The following ROBO1 variants were observed in gnomAD, a reference collection of about 807,000 sequenced individuals.
ROBO1 encodes the protein roundabout guidance receptor 1, also known as roundabout homolog 1.
Under a neutral mutation model 195.9 loss-of-function variants are expected in ROBO1, and 149 were observed. The ratio of observed to expected loss-of-function variants is 0.76; its 90% confidence interval spans 0.67 to 0.87. The LOEUF is 0.87. Ranked by LOEUF, ROBO1 falls within the 40% of genes least tolerant of loss-of-function variation. ROBO1 has a pLI of 0.00. For synonymous variants in ROBO1, 816 were observed against 733.2 expected (o/e 1.11, Z -1.82); for missense variants, 1,933 against 2,068.3 (o/e 0.93, Z 1.27).
intron 2 of ROBO1, among the ~76,000 whole-genome samples, chr3:79,268,266 T>C (rs1262575544): frequency 2.0e-5 from 3 of 151,724 alleles, no homozygotes; most frequent in East Asian, 1.9e-4. Context: ...CACATCAAAA[T>C]TGTAGATTTT....
At chr3:78,904,186 T>A (rs1184804325) in intron 4 of ROBO1, among the ~76,000 whole-genome samples, 1 of 151,924 alleles carries the variant, frequency 6.6e-6, no homozygotes, top group Non-Finnish European at 1.5e-5. Context: ...CAACAATTCA[T>A]TCTCAATCAT....
chr3:79,702,936 G>T (rs1437134552), intron 1 of ROBO1, among the ~76,000 whole-genome samples: 1 of 151,898 alleles, frequency 6.6e-6, no homozygotes, highest in Non-Finnish European at 1.5e-5. Flanking sequence ...TGGCCACGTG[G>T]CCTAAAGCAG....
intron 18 of ROBO1, among the ~76,000 whole-genome samples, chr3:78,653,360 T>C (rs1018272825): frequency 2.6e-5 from 4 of 152,090 alleles, no homozygotes; most frequent in Non-Finnish European, 4.4e-5. Context: ...ACACCCCTCA[T>C]GGACTGTGCA....
chr3:79,550,195 G>GAAAGAAAGGAAAGAAA lies in ROBO1; in HGVS notation c.88+39628_88+39629insTTTCTTTCCTTTCTTT. ...AGAAAGAAAGAAAGAAAGAAAGAAA[G>GAAAGAAAGGAAAGAAA]GAAAAGAAAAGAAAAGAAAAGAAAA... On this transcript the variant is annotated intron_variant, in intron 2 of 30. Transcript: ENST00000464233. 1.4e-4 allele frequency among the ~76,000 whole-genome samples: 14 copies of GAAAGAAAGGAAAGAAA among 100,834 alleles called. 1 individual carries two copies. Among genetic ancestry groups the GAAAGAAAGGAAAGAAA allele is most frequent in the African/African-American group, 3.7e-4 (8 of 21,440 alleles). 66.2% of individuals were successfully genotyped at this position (100,834 alleles called of 152,430 possible).
chr3:78,930,783 T>G (rs375402066), intron 4 of ROBO1, among the ~76,000 whole-genome samples: 2 of 152,190 alleles, frequency 1.3e-5, no homozygotes, highest in African/African-American at 4.8e-5. Flanking sequence ...AATACTAGAA[T>G]AGCCTCCTAA....
At chr3:79,276,751 T>C (rs1224642328) in intron 2 of ROBO1, among the ~76,000 whole-genome samples, 1 of 151,894 alleles carries the variant, frequency 6.6e-6, no homozygotes, top group Admixed American at 6.6e-5. Flanking sequence ...CAATAACGTA[T>C]AAGGAACTCA....
At chr3:79,014,038 AAAAC>A (rs2077857167) in intron 3 of ROBO1, among the ~76,000 whole-genome samples, 1 of 152,252 alleles carries the variant, frequency 6.6e-6, no homozygotes, top group Non-Finnish European at 1.5e-5. Context: ...AGCTTAAAAA[AAAAC>A]TGTTCAATTG....
intron 3 of ROBO1, among the ~76,000 whole-genome samples, chr3:78,939,774 TTAA>T (rs1426769239): frequency 6.6e-5 from 10 of 151,346 alleles, no homozygotes; most frequent in African/African-American, 1.2e-4. Context: ...ATTAATTTTA[TTAA>T]TAATAATTTA....
At chr3:78,685,310 A>G (rs988848796) in intron 10 of ROBO1, among the ~76,000 whole-genome samples, 1 of 152,180 alleles carries the variant, frequency 6.6e-6, no homozygotes, top group African/African-American at 2.4e-5. Flanking sequence ...GGGAGTTGAC[A>G]GAATGAAATC....
chr3:78,789,915 C>T (rs926646548), intron 4 of ROBO1, among the ~76,000 whole-genome samples: 1 of 152,194 alleles, frequency 6.6e-6, no homozygotes, highest in Non-Finnish European at 1.5e-5. Context: ...AAACATCCTC[C>T]GCATGACCTC....
In ROBO1 at chr3:79,104,068, CA is replaced by C. The variant is rs1198237130; in HGVS notation, c.172+21387del. Among the ~76,000 whole-genome samples the C allele has an allele frequency of 4.0e-5, 6 of 151,680 alleles. No individual in the cohort carries two copies. The Admixed American group carries it at 4.0e-4, about 10-fold the overall frequency. On this transcript the variant is annotated intron_variant, in intron 3 of 30. Transcript: ENST00000464233. ...ATCTGATAGAGACTTTAAGACAAAA[CA>C]CCAGTGTTTTATCTCCGACCTAGGG...
At chr3:79,201,586 G>C (rs2081764872) in intron 2 of ROBO1, among the ~76,000 whole-genome samples, 1 of 151,852 alleles carries the variant, frequency 6.6e-6, no homozygotes, top group Non-Finnish European at 1.5e-5. Context: ...CTCCACATTT[G>C]TTCTCTGAAC....
chr3:79,319,473 G>T (rs1378371630), intron 2 of ROBO1, among the ~76,000 whole-genome samples: 1 of 152,040 alleles, frequency 6.6e-6, no homozygotes, highest in African/African-American at 2.4e-5. Flanking sequence ...GTAATAGCAG[G>T]TTCCCTGTTT....
intron 4 of ROBO1, among the ~76,000 whole-genome samples, chr3:78,886,608 T>A (rs929335141): frequency 6.6e-6 from 1 of 151,166 alleles, no homozygotes; most frequent in Non-Finnish European, 1.5e-5. Flanking sequence ...AAAAAAAAAA[T>A]TGTACTCTGC....
chr3:78,624,080 AC>A (rs1274985856), intron 26 of ROBO1, among the ~76,000 whole-genome samples: 2 of 152,194 alleles, frequency 1.3e-5, no homozygotes, highest in African/African-American at 4.8e-5. Flanking sequence ...TACACACTTT[AC>A]ACAAGTGTCT....
intron 2 of ROBO1, among the ~76,000 whole-genome samples, chr3:79,385,913 C>G (rs950342091): frequency 1.3e-5 from 2 of 152,062 alleles, no homozygotes; most frequent in Non-Finnish European, 2.9e-5. Flanking sequence ...AATCTAAATG[C>G]TCTCTACACA....
chr3:79,426,945 C>T (rs1022655911), intron 2 of ROBO1, among the ~76,000 whole-genome samples: 2 of 151,904 alleles, frequency 1.3e-5, no homozygotes, highest in African/African-American at 4.8e-5. Context: ...TTATATAATC[C>T]ACAAATAAAA....
chr3:79,088,855 T>C (rs1481402687), intron 3 of ROBO1, among the ~76,000 whole-genome samples: 1 of 152,092 alleles, frequency 6.6e-6, no homozygotes, highest in African/African-American at 2.4e-5. Context: ...TATTTGTGTT[T>C]TGCAATGACA....
chr3:78,800,191 A>G (rs567111737), intron 4 of ROBO1, among the ~76,000 whole-genome samples: 1 of 152,302 alleles, frequency 6.6e-6, no homozygotes, highest in South Asian at 2.1e-4. Context: ...ATTAAAATGT[A>G]TTTTAAAATT....
Sources: allele counts gnomAD v4.1 joint callset (sites outside exome capture counted in the v4.1 genomes callset), GRCh38; gene constraint gnomAD v4.1.1; transcripts MANE v1.5; gene names NCBI Gene and HGNC (gene_info 2026-07-23, HGNC 2026-07-21).